RELN: variants seen among roughly 807,000 people sequenced by gnomAD.
RELN encodes the protein reelin.
In RELN, 108 loss-of-function variants were observed where a neutral mutation model predicts 427.6. The ratio of observed to expected loss-of-function variants is 0.25; its 90% confidence interval spans 0.22 to 0.30. The LOEUF (loss-of-function observed/expected upper bound fraction) is 0.30, where lower values mean the gene tolerates loss of function less well. Ranked by LOEUF, RELN falls within the 10% of genes least tolerant of loss-of-function variation. The probability of loss-of-function intolerance (pLI) is 1.00; values close to 1 mark genes in which losing one functional copy is unlikely to be tolerated. For synonymous variants in RELN, 1,524 were observed against 1,513.4 expected (o/e 1.01, Z -0.16); for missense variants, 3,715 against 4,302.8 (o/e 0.86, Z 3.82).
chr7:103,798,777 T>G (rs967679913), intron 3 of RELN, among the ~76,000 whole-genome samples: 2 of 152,176 alleles, frequency 1.3e-5, no homozygotes, highest in Non-Finnish European at 2.9e-5. Flanking sequence ...CAGGCTCTAT[T>G]TTAGGTACAG....
At position 103,640,522 on chromosome 7, in the gene RELN, G is replaced by C; in HGVS notation, c.2069+21C>G. The C allele has an allele frequency of 6.2e-7, 1 of 1,610,948 alleles. No homozygotes were observed. The highest frequency in any genetic ancestry group is 8.5e-7 in the Non-Finnish European group (1 of 1,177,324). On this transcript the variant is annotated intron_variant, in intron 17 of 64. Coordinates refer to ENST00000428762, the MANE Select transcript of RELN (RefSeq NM_005045.4). The surrounding 1 kb of genome is among the most constrained non-coding windows in gnomAD (Gnocchi z 4.1). Reference sequence around the variant, plus strand: ...TACACATCAAAAAGGAGAAGCATAAGTGTTATTTTAAGATGCTTACTTGCA... The same window carrying C: ...TACACATCAAAAAGGAGAAGCATAACTGTTATTTTAAGATGCTTACTTGCA...
chr7:103,730,568 T>A lies in RELN; in HGVS notation c.657-2361A>T, dbSNP rs931371907. Among the ~76,000 whole-genome samples, 6 of 152,046 alleles carry A rather than the reference T, an allele frequency of 3.9e-5. No individual in the cohort carries two copies. In the East Asian group the frequency reaches 1.2e-3, roughly 29 times the overall value. The stretch of plus-strand genomic sequence containing the variant: ...TTGAACTCAACAATCCACTAGACGC[T>A]TCTCTTCTTCATTGTGCTTTATAAC... On this transcript the variant is annotated intron_variant, in intron 6 of 64. Transcript: ENST00000428762.
intron 1 of RELN, among the ~76,000 whole-genome samples, chr7:103,944,084 C>A (rs1167847096): frequency 6.6e-6 from 1 of 151,956 alleles, no homozygotes; most frequent in Non-Finnish European, 1.5e-5. Flanking sequence ...AACCTATTGC[C>A]TCCAGAAACT....
At chr7:103,520,417 A>T (rs1829672913) in intron 48 of RELN, among the ~76,000 whole-genome samples, 1 of 152,052 alleles carries the variant, frequency 6.6e-6, no homozygotes. Context: ...CTGGGACCAC[A>T]GTTGTGTGCT....
chr7:103,785,175 T>A (rs1049375333), intron 3 of RELN, among the ~76,000 whole-genome samples: 3 of 152,138 alleles, frequency 2.0e-5, no homozygotes, highest in Admixed American at 6.6e-5. Flanking sequence ...ATTCTGGAAA[T>A]GCCTTCTAAA....
chr7:103,867,177 T>C (rs1794219937), intron 2 of RELN, among the ~76,000 whole-genome samples: 1 of 152,098 alleles, frequency 6.6e-6, no homozygotes, highest in Non-Finnish European at 1.5e-5. Flanking sequence ...AACTAAACAT[T>C]TCTGTGTGGA....
At chr7:103,479,133 T>C (rs551320560) in intron 63 of RELN, among the ~76,000 whole-genome samples, 13 of 152,278 alleles carry the variant, frequency 8.5e-5, no homozygotes, top group African/African-American at 1.7e-4. Context: ...CAGGTGTGAC[T>C]TAGACACGTA....
chr7:103,628,959 C>T (rs1221684110), intron 20 of RELN, among the ~76,000 whole-genome samples: 2 of 152,162 alleles, frequency 1.3e-5, no homozygotes, highest in African/African-American at 4.8e-5. Context: ...CACTACTTCA[C>T]TACCTGGTCT....
At chr7:103,842,192 C>T (rs1239385615) in intron 2 of RELN, among the ~76,000 whole-genome samples, 3 of 151,542 alleles carry the variant, frequency 2.0e-5, no homozygotes, top group African/African-American at 7.3e-5. Context: ...AGATGATTTC[C>T]ATTTCCTTTC....
chr7:103,530,759 T>G (rs1422718316), intron 46 of RELN, among the ~76,000 whole-genome samples: 1 of 152,200 alleles, frequency 6.6e-6, no homozygotes, highest in East Asian at 1.9e-4. Context: ...CTAGCCATCC[T>G]TCAAGGCCAG....
chr7:103,834,496 C>G (rs934725331), intron 2 of RELN, among the ~76,000 whole-genome samples: 1 of 152,162 alleles, frequency 6.6e-6, no homozygotes. Context: ...TAGCTGTGAA[C>G]AGGTCAGCTC....
chr7:103,881,499 C>A (rs539794630), intron 2 of RELN, among the ~76,000 whole-genome samples: 10 of 152,264 alleles, frequency 6.6e-5, no homozygotes, highest in Admixed American at 5.9e-4. Flanking sequence ...TGCACCCCTT[C>A]TTGCTGCCCC....
At chr7:103,523,847 T>A (rs1342987953) in intron 46 of RELN, among the ~76,000 whole-genome samples, 1 of 151,966 alleles carries the variant, frequency 6.6e-6, no homozygotes, top group East Asian at 1.9e-4. Flanking sequence ...CCAGTTAATT[T>A]TTGTATTTTA....
At chr7:103,743,289 T>A (rs1002403230) in intron 6 of RELN, among the ~76,000 whole-genome samples, 1 of 152,112 alleles carries the variant, frequency 6.6e-6, no homozygotes, top group African/African-American at 2.4e-5. Context: ...GAACAACCGG[T>A]ACCAGCCACT....
chr7:103,489,665 TG>T, intron 60 of RELN, 76 bp downstream of exon 60: 2 of 1,525,264 alleles, frequency 1.3e-6, no homozygotes, highest in South Asian at 2.4e-5. Context: ...CATTTCCTAG[TG>T]GACTTTTGTA....
chr7:103,911,496 A>T (rs1340449438), intron 2 of RELN, among the ~76,000 whole-genome samples: 1 of 143,782 alleles, frequency 7.0e-6, no homozygotes, highest in East Asian at 2.3e-4. Context: ...CAGCCATCCC[A>T]TTACTGGGTA....
chr7:103,594,344 C>G lies in RELN; in HGVS notation c.3688G>C (p.Val1230Leu), dbSNP rs914732704. ...LSEKQKQIIP[V>L]INPTLPQNFY... is the part of the protein sequence containing the mutation. The stretch of plus-strand genomic sequence containing the variant: ...ACCTGAGGTAAAGTTGGATTGATAA[C>G]TGGGATGATCTGCTTCTGCTTCTCG... The change falls in exon 26 of 65, where the codon GTT (valine) becomes CTT (leucine). Residue 1230 changes from valine to leucine, a missense_variant. Transcript: ENST00000428762. The G allele has an allele frequency of 6.2e-7, 1 of 1,613,972 alleles. No individual in the cohort carries two copies.
At chr7:103,820,624 A>G (rs947417159) in intron 3 of RELN, among the ~76,000 whole-genome samples, 1 of 152,082 alleles carries the variant, frequency 6.6e-6, no homozygotes, top group Non-Finnish European at 1.5e-5. Context: ...ATTTGCTTTA[A>G]GTGTCCATTC....
In RELN at chr7:103,519,417, GGTT is replaced by G; in HGVS notation, c.7765_7767del (p.Asn2589del). 6.2e-7 allele frequency: 1 copy of G among 1,613,432 alleles called. No homozygotes were observed. Among genetic ancestry groups the G allele is most frequent in the Non-Finnish European group, 8.5e-7 (1 of 1,179,410 alleles). On this transcript the variant is annotated inframe_deletion, in exon 49 of 65. Coordinates refer to ENST00000428762, the MANE Select transcript of RELN (RefSeq NM_005045.4). ...TATTCCAAGAGAACACCTTGGTTAC[GGTT>G]GTTTGGTGTAATCAGGCACCCATAC...
Sources: allele counts gnomAD v4.1 joint callset (sites outside exome capture counted in the v4.1 genomes callset), GRCh38; gene constraint gnomAD v4.1.1; non-coding constraint Gnocchi (gnomAD v3.1); transcripts MANE v1.5; gene names NCBI Gene and HGNC (gene_info 2026-07-23, HGNC 2026-07-21).